The following GOLGA6L10 variants were observed in gnomAD, a reference collection of about 807,000 sequenced individuals.
GOLGA6L10 encodes the protein golgin A6 family like 10, also known as golgin subfamily A member 6-like protein 10.
In GOLGA6L10, 4 loss-of-function variants were observed where a neutral mutation model predicts 56.9. That is an observed-to-expected ratio of 0.07 (90% CI 0.03 to 0.16). GOLGA6L10 has a LOEUF of 0.16. Ranked by LOEUF, GOLGA6L10 falls within the 10% of genes least tolerant of loss-of-function variation. The pLI is 1.00. For synonymous variants in GOLGA6L10, 11 were observed against 220.9 expected (o/e 0.05, Z 8.43); for missense variants, 34 against 558.3 (o/e 0.06, Z 9.46).
chr15:82,345,646 A>G (rs1197125680), intron 5 of GOLGA6L10, among the ~76,000 whole-genome samples, 163 bp downstream of exon 5: 1 of 150,754 alleles, frequency 6.6e-6, no homozygotes, highest in Non-Finnish European at 1.5e-5. Context: ...TGATGGGGAC[A>G]CTGAGGCTCA....
intron 1 of GOLGA6L10, among the ~76,000 whole-genome samples, chr15:82,347,883 GA>G (rs2075697172): frequency 6.6e-6 from 1 of 152,294 alleles, no homozygotes; most frequent in Non-Finnish European, 1.5e-5. Context: ...GTTTTGCCAT[GA>G]ATCAGCAGCT....
Position 82,344,940 on chromosome 15 carries a change from CATA to C in GOLGA6L10, c.917_919del (p.Leu306_Cys307delinsArg), listed in dbSNP as rs2075670388. On this transcript the variant is annotated inframe_deletion, in exon 6 of 9. Coordinates refer to ENST00000610657, the MANE Select transcript of GOLGA6L10 (RefSeq NM_001164465.3). ...TTCACATAGCCTCTCCTCCTGTTCA[CATA>C]GCCTCTCCTCCTGTTCACGTAGCCT... The C allele has an allele frequency of 1.1e-5, 12 of 1,049,956 alleles. No individual in the cohort carries two copies. In the Admixed American group the frequency reaches 1.6e-4, roughly 14 times the overall value. The allele number at this position is 1,049,956 out of a possible 1,614,324, so 65.0% of individuals were successfully genotyped here. A position where few individuals can be genotyped will look rare whatever the true frequency, so the allele number is the denominator to read the frequency against.
intron 1 of GOLGA6L10, among the ~76,000 whole-genome samples, chr15:82,348,226 C>T (rs1394628895): frequency 4.6e-5 from 7 of 152,092 alleles, no homozygotes; most frequent in South Asian, 2.1e-4. Context: ...AAAGATGTCC[C>T]GCATTTATCC....
intron 1 of GOLGA6L10, among the ~76,000 whole-genome samples, chr15:82,348,107 G>A (rs2075698806): frequency 6.6e-6 from 1 of 151,652 alleles, no homozygotes; most frequent in South Asian, 2.1e-4. Context: ...GACAACCCAA[G>A]CCTCATTTCA....
rs2075637627 is a variant in GOLGA6L10 at position 82,340,670 on chromosome 15, A to G, written c.*2106T>C. On this transcript the variant is annotated 3_prime_UTR_variant, in exon 9 of 9. Transcript: ENST00000610657. ...TGAATGAGGTACTGCAAGAGACTGCATGCACTTTGAAGAAAGACTTGAGTT... is the reference window on the plus strand; with the variant it reads ...TGAATGAGGTACTGCAAGAGACTGCGTGCACTTTGAAGAAAGACTTGAGTT... The G allele has an allele frequency of 6.6e-6, 1 of 151,098 alleles. No individual in the cohort carries two copies. The highest frequency in any genetic ancestry group is 6.7e-5 in the Admixed American group (1 of 14,926). The allele number at this position is 151,098 out of a possible 1,614,324, so 9.4% of individuals were successfully genotyped here. A position where few individuals can be genotyped will look rare whatever the true frequency, so the allele number is the denominator to read the frequency against.
At chr15:82,347,060 A>G (rs1387098587) in intron 2 of GOLGA6L10, among the ~76,000 whole-genome samples, 174 bp from the exon 3 acceptor site, 2 of 150,844 alleles carry the variant, frequency 1.3e-5, no homozygotes, top group Admixed American at 6.6e-5. Flanking sequence ...TCTCCCCACC[A>G]TCCCACCCTG....
chr15:82,344,935 G>C lies in GOLGA6L10; in HGVS notation c.925C>G (p.Gln309Glu), dbSNP rs200972324. The change falls in exon 6 of 9, where the codon CAG becomes GAG. Residue 309 changes from glutamine to glutamate, a missense_variant. By Grantham distance (29) the Gln-to-Glu change is conservative (BLOSUM62 2). Transcript: ENST00000610657. The stretch of plus-strand genomic sequence containing the variant: ...TCCTGTTCACATAGCCTCTCCTCCT[G>C]TTCACATAGCCTCTCCTCCTGTTCA... ...LREQEERLCE[Q>E]EERLCEQEER... 83 of 1,036,650 alleles carry C rather than the reference G, an allele frequency of 8.0e-5. No individual in the cohort carries two copies. The highest frequency in any genetic ancestry group is 3.5e-4 in the Middle Eastern group (1 of 2,882). 64.2% of individuals were successfully genotyped at this position (1,036,650 alleles called of 1,614,324 possible).
rs200972324 is a variant in GOLGA6L10 at position 82,344,935 on chromosome 15, G to A, written c.925C>T (p.Gln309Ter). 5.3e-3 allele frequency: 5,456 copies of A among 1,029,236 alleles called. 137 individuals are homozygous for A. The highest frequency in any genetic ancestry group is 8.8e-3 in the Middle Eastern group (25 of 2,836). The allele number at this position is 1,029,236 out of a possible 1,614,324, so 63.8% of individuals were successfully genotyped here. Residue 309 changes from glutamine to a stop codon, truncating the protein, a stop_gained, in exon 6 of 9, where the codon CAG (glutamine) becomes TAG (stop). Coordinates refer to ENST00000610657, the MANE Select transcript of GOLGA6L10 (RefSeq NM_001164465.3). LOFTEE classifies it high-confidence loss of function. Reference sequence around the variant, plus strand: ...TCCTGTTCACATAGCCTCTCCTCCTGTTCACATAGCCTCTCCTCCTGTTCA... The same window carrying A: ...TCCTGTTCACATAGCCTCTCCTCCTATTCACATAGCCTCTCCTCCTGTTCA... The part of the protein sequence containing the change: ...LREQEERLCE[Q>*]EERLCEQEER...
Position 82,340,519 on chromosome 15 carries a change from A to C in GOLGA6L10, c.*2257T>G, listed in dbSNP as rs1445106906. On this transcript the variant is annotated 3_prime_UTR_variant, in exon 9 of 9. Transcript: ENST00000610657. ...ATTCTTTACTTCCTACAGAAATTCAAATTTATTCAGTCAAACTCACATTTT... is the reference window on the plus strand; with the variant it reads ...ATTCTTTACTTCCTACAGAAATTCACATTTATTCAGTCAAACTCACATTTT... 1 of 151,106 alleles carries C rather than the reference A, an allele frequency of 6.6e-6. No individual in the cohort carries two copies. The highest frequency in any genetic ancestry group is 1.9e-4 in the East Asian group (1 of 5,150). The allele number at this position is 151,106 out of a possible 1,614,324, so 9.4% of individuals were successfully genotyped here.
At chr15:82,348,132 A>G (rs1193027417) in intron 1 of GOLGA6L10, among the ~76,000 whole-genome samples, 4 of 151,996 alleles carry the variant, frequency 2.6e-5, no homozygotes, top group Non-Finnish European at 5.9e-5. Flanking sequence ...AAAGTCTGGT[A>G]TACGCTTGGA....
At chr15:82,347,881 A>G (rs1172851997) in intron 1 of GOLGA6L10, among the ~76,000 whole-genome samples, 2 of 152,298 alleles carry the variant, frequency 1.3e-5, no homozygotes, top group African/African-American at 2.4e-5. Flanking sequence ...GGGTTTTGCC[A>G]TGAATCAGCA....
chr15:82,345,616 G>A (rs1301776303), intron 5 of GOLGA6L10, among the ~76,000 whole-genome samples, 190 bp from the exon 6 acceptor site: 2 of 151,142 alleles, frequency 1.3e-5, no homozygotes, highest in South Asian at 2.1e-4. Context: ...GGCTGACAAT[G>A]GGCACTCCTC....
Position 82,342,642 on chromosome 15 carries a change from ATAAATT to A in GOLGA6L10, c.*128_*133del, listed in dbSNP as rs1404677840. 4 of 631,606 alleles carry A rather than the reference ATAAATT, an allele frequency of 6.3e-6. No homozygotes were observed. The East Asian group carries it at 3.2e-4, about 50-fold the overall frequency. The allele number at this position is 631,606 out of a possible 1,614,324, so 39.1% of individuals were successfully genotyped here. A position where few individuals can be genotyped will look rare whatever the true frequency, so the allele number is the denominator to read the frequency against. On this transcript the variant is annotated 3_prime_UTR_variant, in exon 9 of 9. Coordinates refer to ENST00000610657, the MANE Select transcript of GOLGA6L10 (RefSeq NM_001164465.3). ...TTTAAATTATAAATTAGAAACACAA[ATAAATT>A]TAAACTATAAATTAGAAACACAAAT... is the stretch of plus-strand genomic sequence containing the variant.
rs1296345826 is a variant in GOLGA6L10, at chr15:82,346,896, A to G, written c.205-10T>C. 5.2e-6 allele frequency: 8 copies of G among 1,536,272 alleles called. No individual in the cohort carries two copies. The highest frequency in any genetic ancestry group is 6.0e-6 in the Non-Finnish European group (7 of 1,160,472). ...AGATACCTGTTGCTGACTGCAAGAG[A>G]TGAGAGTGCACATGGAGATGTTCTG... On this transcript the variant is annotated splice_polypyrimidine_tract_variant and intron_variant, in intron 2 of 8. Coordinates refer to ENST00000610657, the MANE Select transcript of GOLGA6L10 (RefSeq NM_001164465.3).
Position 82,342,577 on chromosome 15 carries a change from C to T in GOLGA6L10, c.*199G>A, listed in dbSNP as rs1476924217. On this transcript the variant is annotated 3_prime_UTR_variant, in exon 9 of 9. Transcript: ENST00000610657. ...ATAAATTTAAATTATAAATTAGAAA[C>T]ACAAATAAATTTAAACTATAAATTA... 1.7e-6 allele frequency: 2 copies of T among 1,183,874 alleles called. No homozygotes were observed. Among genetic ancestry groups the T allele is most frequent in the African/African-American group, 3.3e-5 (2 of 61,098 alleles). 73.3% of individuals were successfully genotyped at this position (1,183,874 alleles called of 1,614,324 possible).
rs1392120699 is a variant in GOLGA6L10, at chr15:82,340,221, G to C, written c.*2555C>G. 1 of 151,406 alleles carries C rather than the reference G, an allele frequency of 6.6e-6. No individual in the cohort carries two copies. Among genetic ancestry groups the C allele is most frequent in the Non-Finnish European group, 1.5e-5 (1 of 67,720 alleles). 9.4% of individuals were successfully genotyped at this position (151,406 alleles called of 1,614,324 possible). A position where few individuals can be genotyped will look rare whatever the true frequency, so the allele number is the denominator to read the frequency against. On this transcript the variant is annotated 3_prime_UTR_variant, in exon 9 of 9. Transcript: ENST00000610657. ...TACTTTTCCTTCCCCTAGATTCTTT[G>C]TTTTAAGCTACAGTATTCGTATTTT...
rs1357208856 is a variant in GOLGA6L10 at position 82,342,038 on chromosome 15, A to G, written c.*738T>C. The G allele has an allele frequency of 2.8e-5, 4 of 141,006 alleles. No homozygotes were observed. The East Asian group carries it at 6.2e-4, about 22-fold the overall frequency. 8.7% of individuals were successfully genotyped at this position (141,006 alleles called of 1,614,324 possible). A position where few individuals can be genotyped will look rare whatever the true frequency, so the allele number is the denominator to read the frequency against. On this transcript the variant is annotated 3_prime_UTR_variant, in exon 9 of 9. Coordinates refer to ENST00000610657, the MANE Select transcript of GOLGA6L10 (RefSeq NM_001164465.3). Reference sequence around the variant, plus strand: ...CACCGGAACAAATGAAACATATTCTATCCTGCACACACCTGCCAAAGCAGG... The same window carrying G: ...CACCGGAACAAATGAAACATATTCTGTCCTGCACACACCTGCCAAAGCAGG...
At chr15:82,348,453 T>A (rs1311335492) in intron 1 of GOLGA6L10, among the ~76,000 whole-genome samples, 2 of 148,606 alleles carry the variant, frequency 1.3e-5, no homozygotes, top group Non-Finnish European at 3.0e-5. Flanking sequence ...ACCAAACCCA[T>A]TCTCCCATTG....
At chr15:82,347,828 G>C (rs2075696708) in intron 1 of GOLGA6L10, among the ~76,000 whole-genome samples, 199 bp from the exon 2 acceptor site, 6 of 152,200 alleles carry the variant, frequency 3.9e-5, no homozygotes, top group Non-Finnish European at 2.9e-5. Flanking sequence ...ATCAAAAAAG[G>C]CAATACTGGA....
Sources: allele counts gnomAD v4.1 joint callset (sites outside exome capture counted in the v4.1 genomes callset), GRCh38; gene constraint gnomAD v4.1.1; transcripts MANE v1.5; gene names NCBI Gene and HGNC (gene_info 2026-07-23, HGNC 2026-07-21).